The following VAV1 variants were observed in gnomAD, a reference collection of about 807,000 sequenced individuals.
The protein encoded by VAV1 is proto-oncogene vav.
In VAV1, 33 loss-of-function variants were observed where a neutral mutation model predicts 128.1. The observed-to-expected ratio is 0.26, with a 90% CI of 0.20 to 0.34. The LOEUF is 0.34. Among genes scored for constraint, VAV1 ranks in the 10% least tolerant of loss-of-function variants. The probability of loss-of-function intolerance (pLI) is 1.00; values close to 1 mark genes in which losing one functional copy is unlikely to be tolerated. For missense variants in VAV1, 715 were observed against 1,093.7 expected, an observed-to-expected ratio of 0.65 and a Z score of 4.88; for synonymous variants, 394 against 409.8, an observed-to-expected ratio of 0.96 and a Z score of 0.47.
chr19:6,816,817 A>T (rs959423102), intron 1 of VAV1, among the ~76,000 whole-genome samples: 4 of 151,712 alleles, frequency 2.6e-5, no homozygotes, highest in African/African-American at 4.8e-5. Flanking sequence ...TACAAAAATC[A>T]GCTGGACGTG....
chr19:6,846,238 A>G lies in VAV1; in HGVS notation c.2013-1760A>G, dbSNP rs1328333215. Among the ~76,000 whole-genome samples the G allele has an allele frequency of 3.3e-5, 5 of 151,254 alleles. No homozygotes were observed. In the South Asian group the frequency reaches 8.3e-4, roughly 25 times the overall value. ...ATGTTACATTTAAATCATGTTGTAC[A>G]TTATATACTATAATATACATTACAT... On this transcript the variant is annotated intron_variant, in intron 22 of 26. Transcript: ENST00000602142.
chr19:6,836,516 C>T lies in VAV1; in HGVS notation c.1862C>T (p.Pro621Leu), dbSNP rs1432765301. 2.5e-6 allele frequency: 4 copies of T among 1,613,952 alleles called. No homozygotes were observed. The highest frequency in any genetic ancestry group is 3.3e-5 in the Admixed American group (2 of 59,976). The change falls in exon 20 of 27, where the codon CCT (proline) becomes CTT (leucine). Residue 621 changes from proline (P) to leucine (L), a missense_variant. This residue lies in a region of VAV1 where 407 missense variants were observed against 580.6 expected (regional missense o/e 0.70). Coordinates refer to ENST00000602142, the MANE Select transcript of VAV1 (RefSeq NM_005428.4). The stretch of plus-strand genomic sequence containing the variant: ...ATTGGACCCTTTCTACGGCTCAACC[C>T]TGGAGACATTGTGGAGCTCACGAAG... ...GAIGPFLRLN[P>L]GDIVELTKAE...
chr19:6,775,853 G>C (rs1369405782), intron 1 of VAV1, among the ~76,000 whole-genome samples: 1 of 152,170 alleles, frequency 6.6e-6, no homozygotes, highest in Non-Finnish European at 1.5e-5. Context: ...AAGGAAAGGT[G>C]CTCCTGTGGA....
chr19:6,857,272 G>T lies in VAV1; in HGVS notation c.*165G>T, dbSNP rs961641318. 8.0e-6 allele frequency: 7 copies of T among 878,946 alleles called. No homozygotes were observed. Among genetic ancestry groups the T allele is most frequent in the Non-Finnish European group, 1.2e-5 (7 of 589,646 alleles). 54.4% of individuals were successfully genotyped at this position (878,946 alleles called of 1,614,324 possible). On this transcript the variant is annotated 3_prime_UTR_variant, in exon 27 of 27. Coordinates refer to ENST00000602142, the MANE Select transcript of VAV1 (RefSeq NM_005428.4). The stretch of plus-strand genomic sequence containing the variant: ...GTGCTCCCGGGATGTGCCCTGACAT[G>T]GTTAATTTATAACACCCCGATTTCC...
Position 6,826,678 on chromosome 19 carries a change from CG to C in VAV1, c.895del (p.Ala299GlnfsTer8). Reference sequence around the variant, plus strand: ...CCAGCAAACACCTGGACCGTGTGGCCGCAGCCCGGGAGGACGTGCAGATGAA... The same window carrying C: ...CCAGCAAACACCTGGACCGTGTGGCCCAGCCCGGGAGGACGTGCAGATGAA... Reference protein sequence around the residue: ...SASKHLDRVAAAREDVQMKLE... With the variant: ...SASKHLDRVAXAREDVQMKLE... On this transcript the variant is annotated frameshift_variant, in exon 9 of 27. Transcript: ENST00000602142. LOFTEE classifies it high-confidence loss of function. This position sits in a 1 kb window ranked among gnomAD's most constrained non-coding sequence, Gnocchi z 4.1. The C allele has an allele frequency of 6.4e-7, 1 of 1,559,470 alleles. No individual in the cohort carries two copies.
chr19:6,829,663 T>A (rs558071448), intron 13 of VAV1, 123 bp from the exon 14 acceptor site: 6 of 1,461,410 alleles, frequency 4.1e-6, no homozygotes, highest in South Asian at 1.3e-5. Flanking sequence ...CAGGTGGGCA[T>A]GGCCAAGTTG....
In VAV1 at chr19:6,826,560, C is replaced by T. The variant is rs935122645; in HGVS notation, c.828-52C>T. On this transcript the variant is annotated intron_variant, in intron 8 of 26. Coordinates refer to ENST00000602142, the MANE Select transcript of VAV1 (RefSeq NM_005428.4). This position sits in a 1 kb window ranked among gnomAD's most constrained non-coding sequence, Gnocchi z 4.1. ...AGGCCAGGGCTGACGCCAGCCTCTGCCCGACCTTGATGCCAGTCACCTTTA... is the reference window on the plus strand; with the variant it reads ...AGGCCAGGGCTGACGCCAGCCTCTGTCCGACCTTGATGCCAGTCACCTTTA... 10 of 1,426,660 alleles carry T rather than the reference C, an allele frequency of 7.0e-6. No homozygotes were observed. The African/African-American group carries it at 1.1e-4, about 16-fold the overall frequency. 88.4% of individuals were successfully genotyped at this position (1,426,660 alleles called of 1,614,324 possible).
chr19:6,819,917 C>A (rs550903275), intron 1 of VAV1, among the ~76,000 whole-genome samples: 1 of 152,344 alleles, frequency 6.6e-6, no homozygotes, highest in East Asian at 1.9e-4. Flanking sequence ...GGCCATGTTA[C>A]ATGTGCCCAG....
intron 1 of VAV1, among the ~76,000 whole-genome samples, chr19:6,774,533 C>T (rs566592219): frequency 6.9e-6 from 1 of 144,512 alleles, no homozygotes; most frequent in South Asian, 2.3e-4. Context: ...CTCTCAGGAT[C>T]AAGCAATTCT....
chr19:6,845,118 C>T (rs569462970), intron 22 of VAV1, among the ~76,000 whole-genome samples: 3 of 152,122 alleles, frequency 2.0e-5, no homozygotes, highest in Non-Finnish European at 2.9e-5. Context: ...CAGTGGCTCA[C>T]GCCTGTAATC....
chr19:6,844,195 C>T (rs1972460231), intron 22 of VAV1, among the ~76,000 whole-genome samples: 1 of 143,784 alleles, frequency 7.0e-6, no homozygotes, highest in Non-Finnish European at 1.5e-5. Context: ...AGCCTCAGTG[C>T]CTCAGTTTAT....
chr19:6,851,599 G>A (rs944073591), intron 24 of VAV1, among the ~76,000 whole-genome samples: 3 of 152,170 alleles, frequency 2.0e-5, no homozygotes, highest in Middle Eastern at 3.2e-3. Context: ...GAATGGCAGA[G>A]CCCATAGCTT....
At chr19:6,803,413 T>C (rs1404133603) in intron 1 of VAV1, among the ~76,000 whole-genome samples, 3 of 152,304 alleles carry the variant, frequency 2.0e-5, no homozygotes, top group East Asian at 3.9e-4. Context: ...CATGGCACAC[T>C]GGTGGGCATG....
At chr19:6,788,687 C>CT (rs1332854331) in intron 1 of VAV1, among the ~76,000 whole-genome samples, 3 of 151,942 alleles carry the variant, frequency 2.0e-5, no homozygotes, top group African/African-American at 4.8e-5. Context: ...GAACATGATT[C>CT]TTTTTTTGTG....
intron 6 of VAV1, 37 bp from the exon 7 acceptor site, chr19:6,825,016 T>A: frequency 5.6e-6 from 9 of 1,609,562 alleles, no homozygotes; most frequent in Non-Finnish European, 7.7e-6. Flanking sequence ...GAGGAGGGAA[T>A]CTTATCTTCC....
At chr19:6,774,342 A>T (rs1209350897) in intron 1 of VAV1, among the ~76,000 whole-genome samples, 1 of 142,554 alleles carries the variant, frequency 7.0e-6, no homozygotes, top group Non-Finnish European at 1.5e-5. Context: ...GTTAGCCAGG[A>T]TGGTCTCGAT....
chr19:6,812,130 C>A (rs959911053), intron 1 of VAV1, among the ~76,000 whole-genome samples: 6 of 152,170 alleles, frequency 3.9e-5, no homozygotes, highest in Admixed American at 3.9e-4. Flanking sequence ...CTTAGCTGGG[C>A]AGCCATTTTC....
At chr19:6,825,982 G>A (rs1390923102) in intron 8 of VAV1, among the ~76,000 whole-genome samples, 6 of 152,168 alleles carry the variant, frequency 3.9e-5, no homozygotes, top group Non-Finnish European at 7.4e-5. Context: ...GGCGGAGGTT[G>A]CAGTGAGTCA....
chr19:6,824,252 C>T (rs1049636198), intron 6 of VAV1, among the ~76,000 whole-genome samples: 1 of 151,970 alleles, frequency 6.6e-6, no homozygotes. Context: ...AATTTTAGAA[C>T]GTTTTCATCA....
Sources: gnomAD v4.1 joint callset for allele counts (sites outside exome capture counted in the v4.1 genomes callset) on GRCh38, gnomAD v4.1.1 for gene constraint, gnomAD v4.1.1 regional missense constraint, Gnocchi (gnomAD v3.1) non-coding constraint, MANE v1.5 for transcripts, NCBI Gene and HGNC (gene_info 2026-07-23, HGNC 2026-07-21) for gene names.